Variants in CERS3 observed in about 807,000 individuals in gnomAD.
CERS3 encodes the protein LAG1 homolog, ceramide synthase 3.
A neutral mutation model predicts 50.3 loss-of-function variants in CERS3; 33 were observed. That is an observed-to-expected ratio of 0.66 (90% CI 0.50 to 0.88). The LOEUF is 0.88. Ranked by LOEUF, CERS3 falls within the 40% of genes least tolerant of loss-of-function variation. CERS3 has a pLI of 0.00. For missense variants in CERS3, 470 were observed against 460.3 expected (o/e 1.02, Z -0.19); for synonymous variants, 176 against 155.2 (o/e 1.13, Z -0.99).
intron 11 of CERS3, among the ~76,000 whole-genome samples, chr15:100,452,067 T>A (rs1014515075): frequency 6.6e-6 from 1 of 152,188 alleles, no homozygotes; most frequent in South Asian, 2.1e-4. Context: ...AGATGGATCA[T>A]CTGGACGGAA....
intron 11 of CERS3, among the ~76,000 whole-genome samples, chr15:100,416,109 T>C (rs535110751): frequency 1.5e-4 from 22 of 143,938 alleles, no homozygotes; most frequent in Non-Finnish European, 3.1e-4. Flanking sequence ...ACTACCAATG[T>C]AATTTTTCAC....
At chr15:100,512,810 G>A (rs949232601) in intron 2 of CERS3, among the ~76,000 whole-genome samples, 1 of 152,038 alleles carries the variant, frequency 6.6e-6, no homozygotes, top group South Asian at 2.1e-4. Flanking sequence ...TGAGAAGGGA[G>A]AGCCCCCTCA....
At chr15:100,405,089 C>T (rs1490926528) in intron 11 of CERS3, among the ~76,000 whole-genome samples, 4 of 151,980 alleles carry the variant, frequency 2.6e-5, no homozygotes, top group Admixed American at 1.3e-4. Context: ...AACTGGCAAA[C>T]TGGAATTCAT....
chr15:100,474,804 T>A (rs745978417), intron 8 of CERS3, among the ~76,000 whole-genome samples: 3 of 152,226 alleles, frequency 2.0e-5, no homozygotes, highest in African/African-American at 4.8e-5. Flanking sequence ...AGATCAAGTT[T>A]AGAGAGTTTA....
chr15:100,418,337 G>A (rs577639356), intron 11 of CERS3, among the ~76,000 whole-genome samples: 8 of 152,176 alleles, frequency 5.3e-5, no homozygotes, highest in Admixed American at 4.6e-4. Context: ...ATCAGGGATG[G>A]AAGATGAAAT....
chr15:100,446,362 A>T (rs973083348), intron 11 of CERS3, among the ~76,000 whole-genome samples: 1 of 124,106 alleles, frequency 8.1e-6, no homozygotes, highest in African/African-American at 2.9e-5. Flanking sequence ...GAAACTTCTC[A>T]GGTTTTTTTT....
Position 100,500,744 on chromosome 15 carries a change from G to A in CERS3, c.173+933C>T, listed in dbSNP as rs192490139. ...CTTTTCCTCCCAATAGGAATAGCAC[G>A]CTGTTGGCCCCAGTGAAGTTGTTGT... is the stretch of plus-strand genomic sequence containing the variant. On this transcript the variant is annotated intron_variant, in intron 3 of 11. Transcript: ENST00000679737. Among the ~76,000 whole-genome samples, 34 of 152,284 alleles carry A rather than the reference G, an allele frequency of 2.2e-4. No individual in the cohort carries two copies. The East Asian group carries it at 3.7e-3, about 16-fold the overall frequency.
chr15:100,485,458 A>G (rs963030233), intron 4 of CERS3, among the ~76,000 whole-genome samples: 1 of 152,230 alleles, frequency 6.6e-6, no homozygotes, highest in Admixed American at 6.5e-5. Flanking sequence ...TCTGTTTCAC[A>G]GTGGGATTTT....
chr15:100,518,007 G>C (rs2036539100), intron 2 of CERS3, among the ~76,000 whole-genome samples: 1 of 152,212 alleles, frequency 6.6e-6, no homozygotes, highest in African/African-American at 2.4e-5. Flanking sequence ...TTGAGCAAAT[G>C]GGGATGGGTC....
intron 11 of CERS3, among the ~76,000 whole-genome samples, chr15:100,412,306 C>T (rs1305376905): frequency 6.6e-6 from 1 of 152,064 alleles, no homozygotes; most frequent in African/African-American, 2.4e-5. Flanking sequence ...TTCCCAGCAC[C>T]ATTTGTCGAA....
chr15:100,445,930 C>T (rs929760713), intron 11 of CERS3, among the ~76,000 whole-genome samples: 6 of 152,218 alleles, frequency 3.9e-5, no homozygotes, highest in Non-Finnish European at 8.8e-5. Context: ...CTGTTCCTGC[C>T]TTAACGATGA....
intron 2 of CERS3, among the ~76,000 whole-genome samples, chr15:100,506,477 A>C (rs866338378): frequency 0.13 from 3,141 of 25,082 alleles, 190 homozygotes; most frequent in African/African-American, 0.25. Context: ...CCGCCGCCCC[A>C]CACACACACA....
At chr15:100,453,908 C>T (rs1405065038) in intron 11 of CERS3, among the ~76,000 whole-genome samples, 3 of 151,950 alleles carry the variant, frequency 2.0e-5, no homozygotes. Flanking sequence ...ACAAAAATAC[C>T]TAGGAATAAA....
intron 11 of CERS3, among the ~76,000 whole-genome samples, chr15:100,403,733 A>T (rs374925381): frequency 1.3e-5 from 2 of 152,268 alleles, no homozygotes; most frequent in South Asian, 2.1e-4. Flanking sequence ...ACTATGAAGG[A>T]CATTTAATTT....
upstream of CERS3, among the ~76,000 whole-genome samples, chr15:100,530,490 A>G (rs148143943): frequency 3.2e-3 from 486 of 152,286 alleles, 6 homozygotes; most frequent in African/African-American, 0.011. Context: ...ATCCTGCTCA[A>G]GCTTCCCTAG....
At chr15:100,500,775 C>T (rs942852459) in intron 3 of CERS3, among the ~76,000 whole-genome samples, 1 of 152,102 alleles carries the variant, frequency 6.6e-6, no homozygotes, top group Non-Finnish European at 1.5e-5. Context: ...GTTGTTTGTA[C>T]AAAAACTTTT....
intron 5 of CERS3, among the ~76,000 whole-genome samples, chr15:100,482,807 G>A (rs141399016): frequency 4.1e-4 from 62 of 152,170 alleles, no homozygotes; most frequent in East Asian, 1.4e-3. Context: ...ATAAGCGCCC[G>A]GAGATTTTCA....
At chr15:100,433,855 C>T (rs1056967705) in intron 11 of CERS3, among the ~76,000 whole-genome samples, 13 of 152,272 alleles carry the variant, frequency 8.5e-5, no homozygotes, top group African/African-American at 3.1e-4. Flanking sequence ...TGACTTAGAT[C>T]TCCCCCATTA....
At chr15:100,460,977 C>G (rs140989584) in intron 10 of CERS3, among the ~76,000 whole-genome samples, 1 of 152,166 alleles carries the variant, frequency 6.6e-6, no homozygotes, top group Non-Finnish European at 1.5e-5. Context: ...AAAAGAAGAC[C>G]AGTGTGGCTT....
Sources: gnomAD v4.1 joint callset for allele counts (sites outside exome capture counted in the v4.1 genomes callset) on GRCh38, gnomAD v4.1.1 for gene constraint, MANE v1.5 for transcripts, NCBI Gene and HGNC (gene_info 2026-07-23, HGNC 2026-07-21) for gene names.